C1GALT1: variants seen among roughly 807,000 people sequenced by gnomAD.
C1GALT1 encodes core 1 synthase, glycoprotein-N-acetylgalactosamine 3-beta-galactosyltransferase 1.
A neutral mutation model predicts 31.0 loss-of-function variants in C1GALT1; 11 were observed. The observed-to-expected ratio is 0.36, with a 90% CI of 0.22 to 0.59. The LOEUF is 0.59. C1GALT1 is among the 20% of genes least tolerant of loss of function. The pLI is 0.79. For missense variants in C1GALT1, 424 were observed against 425.2 expected (o/e 1.00, Z 0.03); for synonymous variants, 175 against 143.6 (o/e 1.22, Z -1.56).
upstream of C1GALT1, among the ~76,000 whole-genome samples, chr7:7,179,465 G>C (rs1254518860): frequency 2.0e-5 from 3 of 152,128 alleles, no homozygotes; most frequent in Non-Finnish European, 4.4e-5. Flanking sequence ...TATTTAAAGG[G>C]AAACTAAGTC....
At chr7:7,220,626 A>T (rs1782467537) in intron 1 of C1GALT1, among the ~76,000 whole-genome samples, 1 of 151,952 alleles carries the variant, frequency 6.6e-6, no homozygotes, top group South Asian at 2.1e-4. Context: ...GGTTCAAGAG[A>T]TTCTTCTGCC....
intron 2 of C1GALT1, among the ~76,000 whole-genome samples, chr7:7,164,706 T>C (rs1780373839): frequency 6.6e-6 from 1 of 152,138 alleles, no homozygotes; most frequent in East Asian, 1.9e-4. Context: ...AGGAAAGCTC[T>C]ATTTTTAATA....
At chr7:7,211,233 G>A (rs905813333) in intron 1 of C1GALT1, among the ~76,000 whole-genome samples, 5 of 152,092 alleles carry the variant, frequency 3.3e-5, no homozygotes, top group Non-Finnish European at 7.4e-5. Context: ...ACAAGAGAAG[G>A]CTTAAAAAAG....
intron 2 of C1GALT1, among the ~76,000 whole-genome samples, chr7:7,171,405 T>G (rs1420995353): frequency 6.6e-6 from 1 of 152,138 alleles, no homozygotes; most frequent in Non-Finnish European, 1.5e-5. Flanking sequence ...GTTTTTTGCC[T>G]AATATTAGTA....
At chr7:7,162,286 C>G (rs1258459911) in intron 2 of C1GALT1, among the ~76,000 whole-genome samples, 1 of 115,136 alleles carries the variant, frequency 8.7e-6, no homozygotes, top group Non-Finnish European at 1.7e-5. Flanking sequence ...CCACAACAGT[C>G]CCCAGAGTGT....
intron 2 of C1GALT1, among the ~76,000 whole-genome samples, chr7:7,167,538 T>C (rs1378615641): frequency 6.6e-6 from 1 of 152,152 alleles, no homozygotes; most frequent in African/African-American, 2.4e-5. Context: ...CTTTAATATG[T>C]CCAATCAAGA....
intron 1 of C1GALT1, among the ~76,000 whole-genome samples, chr7:7,193,367 A>G (rs1170068031): frequency 6.6e-6 from 1 of 152,056 alleles, no homozygotes; most frequent in Non-Finnish European, 1.5e-5. Context: ...TCATTCTTCT[A>G]CATGTGGCTT....
intron 1 of C1GALT1, among the ~76,000 whole-genome samples, chr7:7,202,359 G>A (rs992836485): frequency 2.0e-5 from 3 of 152,114 alleles, no homozygotes; most frequent in South Asian, 2.1e-4. Flanking sequence ...TTAGTTATGC[G>A]CCCTGTCTGC....
At chr7:7,230,107 A>G (rs1230919320) in intron 1 of C1GALT1, among the ~76,000 whole-genome samples, 1 of 152,202 alleles carries the variant, frequency 6.6e-6, no homozygotes, top group African/African-American at 2.4e-5. Flanking sequence ...AGCCTGAAAT[A>G]TAAGATATAT....
At chr7:7,162,450 A>AT (rs1780344670) in intron 2 of C1GALT1, among the ~76,000 whole-genome samples, 1 of 151,016 alleles carries the variant, frequency 6.6e-6, no homozygotes, top group African/African-American at 2.4e-5. Context: ...TGAACTCATC[A>AT]TTTTTTATGG....
intron 1 of C1GALT1, among the ~76,000 whole-genome samples, chr7:7,209,199 A>G (rs1781883535): frequency 6.6e-6 from 1 of 152,214 alleles, no homozygotes; most frequent in South Asian, 2.1e-4. Flanking sequence ...TGTTACTTAT[A>G]GCTTTTTTGT....
intron 1 of C1GALT1, among the ~76,000 whole-genome samples, chr7:7,200,366 G>T (rs1187990337): frequency 6.6e-6 from 1 of 152,116 alleles, no homozygotes; most frequent in Non-Finnish European, 1.5e-5. Flanking sequence ...TTGTATATTG[G>T]CTTTCACTCT....
intron 1 of C1GALT1, among the ~76,000 whole-genome samples, chr7:7,195,575 C>G (rs1781247115): frequency 6.6e-6 from 1 of 152,046 alleles, no homozygotes; most frequent in African/African-American, 2.4e-5. Flanking sequence ...TTTGTTGAGA[C>G]TTGTTTTGTG....
intron 1 of C1GALT1, among the ~76,000 whole-genome samples, chr7:7,199,177 G>T (rs988143666): frequency 6.6e-6 from 1 of 152,104 alleles, no homozygotes; most frequent in African/African-American, 2.4e-5. Context: ...GTCATTTAGT[G>T]CTATAAATTT....
At chr7:7,176,676 TTTTC>T (rs1449488001) in intron 2 of C1GALT1, among the ~76,000 whole-genome samples, 1 of 152,248 alleles carries the variant, frequency 6.6e-6, no homozygotes, top group East Asian at 1.9e-4. Context: ...CCTAGACTTT[TTTTC>T]TTTATTTCTT....
At chr7:7,168,215 G>T (rs1034356815) in intron 2 of C1GALT1, among the ~76,000 whole-genome samples, 18 of 152,208 alleles carry the variant, frequency 1.2e-4, no homozygotes, top group African/African-American at 3.6e-4. Context: ...AAAGATGCAG[G>T]TTAGTTGCTG....
chr7:7,239,773 AC>A (rs1562599321), intron 3 of C1GALT1, among the ~76,000 whole-genome samples: 1 of 152,178 alleles, frequency 6.6e-6, no homozygotes, highest in African/African-American at 2.4e-5. Context: ...TCTTTTTGCC[AC>A]ATTTGTTTCA....
chr7:7,227,237 G>A (rs945893472), intron 1 of C1GALT1, among the ~76,000 whole-genome samples: 2 of 152,076 alleles, frequency 1.3e-5, no homozygotes, highest in Non-Finnish European at 2.9e-5. Flanking sequence ...AAACTGTAGG[G>A]TTATGGTTTG....
chr7:7,212,172 G>A (rs1332318710), intron 1 of C1GALT1, among the ~76,000 whole-genome samples: 1 of 152,140 alleles, frequency 6.6e-6, no homozygotes, highest in Non-Finnish European at 1.5e-5. Flanking sequence ...TGTGAGTTAG[G>A]TGATCCTCTC....
Sources: gnomAD v4.1 joint callset for allele counts (sites outside exome capture counted in the v4.1 genomes callset) on GRCh38, gnomAD v4.1.1 for gene constraint, MANE v1.5 for transcripts, NCBI Gene and HGNC (gene_info 2026-07-23, HGNC 2026-07-21) for gene names.